The following GAN variants were observed in gnomAD, a reference collection of about 807,000 sequenced individuals.
GAN encodes the protein epididymis secretory sperm binding protein.
Under a neutral mutation model 71.3 loss-of-function variants are expected in GAN, and 48 were observed. The ratio of observed to expected loss-of-function variants is 0.67; its 90% CI spans 0.53 to 0.86. GAN has a LOEUF of 0.86. Ranked by LOEUF, GAN falls within the 40% of genes least tolerant of loss-of-function variation. The pLI, the probability that GAN is intolerant of heterozygous loss-of-function variation, is 0.00. For missense variants in GAN, 928 were observed against 770.1 expected (o/e 1.21, Z -2.43); for synonymous variants, 386 against 276.8 (o/e 1.39, Z -3.92).
intron 1 of GAN, among the ~76,000 whole-genome samples, chr16:81,341,146 A>G (rs1239485976): frequency 6.6e-6 from 1 of 152,184 alleles, no homozygotes; most frequent in Non-Finnish European, 1.5e-5. Context: ...GGACTATGTG[A>G]AAAGACCAAA....
chr16:81,371,954 A>G (rs1450729879), intron 9 of GAN: 4 of 152,202 alleles, frequency 2.6e-5, no homozygotes, highest in South Asian at 2.1e-4. Context: ...CTGAGGAGCC[A>G]TTTGTTAAGA....
At chr16:81,352,241 C>G (rs1910323992) in intron 2 of GAN, among the ~76,000 whole-genome samples, 1 of 152,134 alleles carries the variant, frequency 6.6e-6, no homozygotes, top group Non-Finnish European at 1.5e-5. Flanking sequence ...ACATCCCTGC[C>G]CCACCCTTAT....
chr16:81,346,946 ATT>A (rs1910138193), intron 1 of GAN, among the ~76,000 whole-genome samples: 1 of 152,162 alleles, frequency 6.6e-6, no homozygotes, highest in Non-Finnish European at 1.5e-5. Context: ...GATCAGATCC[ATT>A]TTTCCAAAGC....
chr16:81,356,543 T>A (rs752706780), intron 3 of GAN, among the ~76,000 whole-genome samples: 3 of 152,200 alleles, frequency 2.0e-5, no homozygotes, highest in African/African-American at 7.2e-5. Context: ...CTTGAAACTT[T>A]TACAGTGATA....
chr16:81,372,499 G>A (rs1911068199), intron 9 of GAN, among the ~76,000 whole-genome samples: 1 of 152,172 alleles, frequency 6.6e-6, no homozygotes, highest in South Asian at 2.1e-4. Context: ...TTTATAAGCA[G>A]CAACACCTGA....
At position 81,388,722 on chromosome 16, in the gene GAN, C is replaced by T. The variant is rs9928509; in HGVS notation, c.*11126C>T. 0.21 allele frequency: 32,199 copies of T among 152,406 alleles called. 4,061 individuals carry two copies. The highest frequency in any genetic ancestry group is 0.3 in the Non-Finnish European group (20,225 of 68,080). 9.4% of individuals were successfully genotyped at this position (152,406 alleles called of 1,614,324 possible). On this transcript the variant is annotated 3_prime_UTR_variant, in exon 11 of 11. Coordinates refer to ENST00000648994, the MANE Select transcript of GAN (RefSeq NM_022041.4). The stretch of plus-strand genomic sequence containing the variant: ...GTGGGGACCCTCCGTGTGGGTCCTC[C>T]TCTGTCCCTTTGCAGCTCGCATTCG...
intron 3 of GAN, among the ~76,000 whole-genome samples, chr16:81,355,388 G>C (rs980268293): frequency 6.6e-6 from 1 of 152,178 alleles, no homozygotes; most frequent in African/African-American, 2.4e-5. Flanking sequence ...GAGAGTCTCA[G>C]TCTGTCTCCC....
Position 81,336,189 on chromosome 16 carries a change from C to G in GAN, c.168-15394C>G, listed in dbSNP as rs755261165. 4.6e-5 allele frequency among the ~76,000 whole-genome samples: 7 copies of G among 152,210 alleles called. 1 individual carries two copies. The highest frequency in any genetic ancestry group is 6.3e-3 in the Middle Eastern group (2 of 316). On this transcript the variant is annotated intron_variant, in intron 1 of 10. Coordinates refer to ENST00000648994, the MANE Select transcript of GAN (RefSeq NM_022041.4). Reference sequence around the variant, plus strand: ...ACCTGTAGGCCCCTGGCACCCAGTCCACACCCCACTACCTGCTGAGGAGCT... The same window carrying G: ...ACCTGTAGGCCCCTGGCACCCAGTCGACACCCCACTACCTGCTGAGGAGCT...
intron 5 of GAN, 96 bp from the exon 6 acceptor site, chr16:81,362,403 A>G (rs1477771263): frequency 5.3e-6 from 4 of 750,140 alleles, no homozygotes; most frequent in East Asian, 2.6e-5. Flanking sequence ...TGTTGTCATC[A>G]GAGAGTTTCT....
At chr16:81,375,026 G>A (rs1432820357) in intron 9 of GAN, among the ~76,000 whole-genome samples, 1 of 152,106 alleles carries the variant, frequency 6.6e-6, no homozygotes, top group Non-Finnish European at 1.5e-5. Context: ...GAGAGCATAG[G>A]AGAAAAATCT....
At chr16:81,365,521 T>A (rs750134156) in intron 9 of GAN, 43 bp downstream of exon 9, 2 of 1,589,670 alleles carry the variant, frequency 1.3e-6, no homozygotes, top group East Asian at 4.5e-5. Context: ...ACTTTTTCTT[T>A]GTGCTTTCAG....
In GAN at chr16:81,333,709, T is replaced by C. The variant is rs550429586; in HGVS notation, c.168-17874T>C. ...TGGAGACTACCAACTAGTTGAGATCTTATTTCTGAATCCATACTTAGTACC... is the reference window on the plus strand; with the variant it reads ...TGGAGACTACCAACTAGTTGAGATCCTATTTCTGAATCCATACTTAGTACC... On this transcript the variant is annotated intron_variant, in intron 1 of 10. Coordinates refer to ENST00000648994, the MANE Select transcript of GAN (RefSeq NM_022041.4). 3.3e-5 allele frequency among the ~76,000 whole-genome samples: 5 copies of C among 152,340 alleles called. No homozygotes were observed. The East Asian group carries it at 9.6e-4, about 29-fold the overall frequency.
chr16:81,357,146 TGC>T, intron 4 of GAN, 144 bp downstream of exon 4: 1 of 689,056 alleles, frequency 1.5e-6, no homozygotes, highest in Non-Finnish European at 2.7e-6. Flanking sequence ...AGGGTACATG[TGC>T]ACAATGTGCA....
At chr16:81,368,420 GA>G (rs1567497708) in intron 9 of GAN, among the ~76,000 whole-genome samples, 2 of 152,168 alleles carry the variant, frequency 1.3e-5, no homozygotes, top group African/African-American at 4.8e-5. Context: ...GTAACATAGT[GA>G]GACCTTGTCT....
intron 1 of GAN, among the ~76,000 whole-genome samples, chr16:81,333,054 A>G (rs550935703): frequency 4.6e-5 from 7 of 152,094 alleles, no homozygotes; most frequent in Non-Finnish European, 8.8e-5. Context: ...CCTGGCTAAC[A>G]CAGTGAAACC....
rs1238410510 is a variant in GAN at position 81,390,056 on chromosome 16, C to G, written c.*12460C>G. The G allele has an allele frequency of 6.6e-6, 1 of 152,136 alleles. No homozygotes were observed. Among genetic ancestry groups the G allele is most frequent in the Admixed American group, 6.5e-5 (1 of 15,274 alleles). 9.4% of individuals were successfully genotyped at this position (152,136 alleles called of 1,614,324 possible). A position where few individuals can be genotyped will look rare whatever the true frequency, so the allele number is the denominator to read the frequency against. ...AATTCCAAGTAGGTCTGCTTAGACA[C>G]ATATTCAGTGAAGATTGTATTGTGT... On this transcript the variant is annotated 3_prime_UTR_variant, in exon 11 of 11. Coordinates refer to ENST00000648994, the MANE Select transcript of GAN (RefSeq NM_022041.4).
At chr16:81,316,065 G>C (rs1228007984) in intron 1 of GAN, among the ~76,000 whole-genome samples, 2 of 152,224 alleles carry the variant, frequency 1.3e-5, no homozygotes, top group Non-Finnish European at 2.9e-5. Flanking sequence ...AGCTTAACCT[G>C]ATTTGCCAAC....
rs1904508114 is a variant in GAN, at chr16:81,389,670, C to G, written c.*12074C>G. 6.6e-6 allele frequency: 1 copy of G among 152,206 alleles called. No homozygotes were observed. The highest frequency in any genetic ancestry group is 1.5e-5 in the Non-Finnish European group (1 of 68,036). 9.4% of individuals were successfully genotyped at this position (152,206 alleles called of 1,614,324 possible). A position where few individuals can be genotyped will look rare whatever the true frequency, so the allele number is the denominator to read the frequency against. ...TTTGTTTTCCATCACGGGTATAGGTCTTCTGCCATGAAAGAGAACTATCAA... is the reference window on the plus strand; with the variant it reads ...TTTGTTTTCCATCACGGGTATAGGTGTTCTGCCATGAAAGAGAACTATCAA... On this transcript the variant is annotated 3_prime_UTR_variant, in exon 11 of 11. Coordinates refer to ENST00000648994, the MANE Select transcript of GAN (RefSeq NM_022041.4).
In GAN at chr16:81,347,038, A is replaced by G. The variant is rs992411782; in HGVS notation, c.168-4545A>G. Among the ~76,000 whole-genome samples the G allele has an allele frequency of 2.0e-5, 3 of 152,238 alleles. 1 individual carries two copies. In the South Asian group the frequency reaches 6.2e-4, roughly 31 times the overall value. The stretch of plus-strand genomic sequence containing the variant: ...CAGTGACTGAGAAATACAAATAGTC[A>G]TGACATCCTAAGTGAAGACATGTCT... On this transcript the variant is annotated intron_variant, in intron 1 of 10. Transcript: ENST00000648994.
Sources: allele counts gnomAD v4.1 joint callset (sites outside exome capture counted in the v4.1 genomes callset), GRCh38; gene constraint gnomAD v4.1.1; transcripts MANE v1.5; gene names NCBI Gene and HGNC (gene_info 2026-07-23, HGNC 2026-07-21).